TMEM132D: variants seen among roughly 807,000 people sequenced by gnomAD.
The protein encoded by TMEM132D is mature OL transmembrane protein.
Under a neutral mutation model 62.3 loss-of-function variants are expected in TMEM132D, and 21 were observed. The observed-to-expected ratio is 0.34, with a 90% CI of 0.24 to 0.49. The LOEUF (loss-of-function observed/expected upper bound fraction) is 0.49, where lower values mean the gene tolerates loss of function less well. Among genes scored for constraint, TMEM132D ranks in the 20% least tolerant of loss-of-function variants. TMEM132D has a pLI of 0.99. For missense variants in TMEM132D, 1,346 were observed against 1,402.8 expected (o/e 0.96, Z 0.65); for synonymous variants, 621 against 575.6 (o/e 1.08, Z -1.13).
chr12:129,861,708 T>A (rs1454103447), intron 1 of TMEM132D, among the ~76,000 whole-genome samples: 1 of 146,608 alleles, frequency 6.8e-6, no homozygotes, highest in Non-Finnish European at 1.5e-5. Context: ...GAGCCAAGAT[T>A]GCACCACTGC....
intron 1 of TMEM132D, among the ~76,000 whole-genome samples, chr12:129,762,465 G>GT (rs1414141744): frequency 6.6e-6 from 1 of 152,080 alleles, no homozygotes; most frequent in African/African-American, 2.4e-5. Context: ...TTCCCATGAT[G>GT]TTTCAAATCC....
intron 1 of TMEM132D, among the ~76,000 whole-genome samples, chr12:129,713,837 G>A (rs1286998566): frequency 6.6e-6 from 1 of 152,184 alleles, no homozygotes; most frequent in African/African-American, 2.4e-5. Context: ...GCAGGTTTGG[G>A]TGGAACTCAA....
intron 5 of TMEM132D, among the ~76,000 whole-genome samples, chr12:129,127,248 T>C (rs1876241568): frequency 6.6e-6 from 1 of 152,222 alleles, no homozygotes; most frequent in African/African-American, 2.4e-5. Flanking sequence ...CTCCTCACGT[T>C]GTGATCTTTT....
intron 2 of TMEM132D, among the ~76,000 whole-genome samples, chr12:129,637,341 T>A: frequency 6.6e-6 from 1 of 152,240 alleles, no homozygotes; most frequent in East Asian, 1.9e-4. Context: ...AAGAGTATTA[T>A]TCACATGGTT....
At chr12:129,353,077 T>A (rs1241380071) in intron 3 of TMEM132D, among the ~76,000 whole-genome samples, 1 of 152,156 alleles carries the variant, frequency 6.6e-6, no homozygotes, top group South Asian at 2.1e-4. Flanking sequence ...GGAATCAGTT[T>A]CTGTCCTTTC....
chr12:129,654,341 A>G (rs12581465), intron 2 of TMEM132D, among the ~76,000 whole-genome samples: 22,661 of 150,362 alleles, frequency 0.15, 2,156 homozygotes, highest in Non-Finnish European at 0.21. Flanking sequence ...CCTTTTTGCC[A>G]CTATAAGATG....
At position 129,356,867 on chromosome 12, in the gene TMEM132D, A is replaced by G. The variant is rs1447470358; in HGVS notation, c.1116-19050T>C. ...GTGAAAGAGTGAGACAAAGAAAGGA[A>G]GGAAAGAAAAGAAAGAAACAAAACA... On this transcript the variant is annotated intron_variant, in intron 3 of 8. Transcript: ENST00000422113. 9.0e-5 allele frequency among the ~76,000 whole-genome samples: 13 copies of G among 145,226 alleles called. No individual in the cohort carries two copies. In the East Asian group the frequency reaches 2.8e-3, roughly 31 times the overall value.
At chr12:129,839,169 T>C (rs1209243540) in intron 1 of TMEM132D, among the ~76,000 whole-genome samples, 1 of 133,306 alleles carries the variant, frequency 7.5e-6, no homozygotes, top group Non-Finnish European at 1.6e-5. Flanking sequence ...TCTCGCACTG[T>C]CGCCTGGGCT....
At chr12:129,212,803 G>A (rs1218894554) in intron 4 of TMEM132D, 1 of 151,840 alleles carries the variant, frequency 6.6e-6, no homozygotes, top group East Asian at 2.0e-4. Flanking sequence ...TCAAGGAGGA[G>A]GTAGAATAGC....
At chr12:129,623,688 TATATACATATATATAC>T (rs1435730731) in intron 2 of TMEM132D, among the ~76,000 whole-genome samples, 41 of 133,562 alleles carry the variant, frequency 3.1e-4, no homozygotes, top group African/African-American at 1.2e-3. Context: ...TATATATACA[TATATACATATATATAC>T]ATACATATGC....
At chr12:129,172,848 G>C (rs758595801) in intron 5 of TMEM132D, among the ~76,000 whole-genome samples, 3 of 152,146 alleles carry the variant, frequency 2.0e-5, no homozygotes, top group African/African-American at 7.2e-5. Context: ...AAAGTGCTGG[G>C]ATTACAGTGT....
chr12:129,826,158 T>C (rs1565999289), intron 1 of TMEM132D, among the ~76,000 whole-genome samples: 1 of 152,154 alleles, frequency 6.6e-6, no homozygotes, highest in East Asian at 1.9e-4. Flanking sequence ...CATGTCACTT[T>C]CAGGTGACAA....
rs543911786 is a variant in TMEM132D at position 129,653,079 on chromosome 12, GA to G, written c.968+46730del. Among the ~76,000 whole-genome samples, 9 of 152,356 alleles carry G rather than the reference GA, an allele frequency of 5.9e-5. No homozygotes were observed. The South Asian group carries it at 1.7e-3, about 28-fold the overall frequency. On this transcript the variant is annotated intron_variant, in intron 2 of 8. Transcript: ENST00000422113. ...TCAGATGGTCAAGGAAGCTCTGTTG[GA>G]TGGGGTGGTGTTGAAGCTAGCCCAA...
At chr12:129,866,881 A>G (rs925915634) in intron 1 of TMEM132D, among the ~76,000 whole-genome samples, 1 of 152,170 alleles carries the variant, frequency 6.6e-6, no homozygotes, top group Admixed American at 6.5e-5. Flanking sequence ...GAGTCAGCCT[A>G]TGTGTCCATT....
At chr12:129,763,380 G>A (rs747811454) in intron 1 of TMEM132D, among the ~76,000 whole-genome samples, 115 of 150,798 alleles carry the variant, frequency 7.6e-4, no homozygotes, top group Non-Finnish European at 1.5e-3. Flanking sequence ...GCCCGACCAA[G>A]AACTCAACTT....
At chr12:129,312,856 A>G (rs1441346276) in intron 4 of TMEM132D, among the ~76,000 whole-genome samples, 1 of 152,272 alleles carries the variant, frequency 6.6e-6, no homozygotes, top group Non-Finnish European at 1.5e-5. Flanking sequence ...TAGATGAAGC[A>G]TCAGATGTTG....
chr12:129,845,628 A>C (rs535472648), intron 1 of TMEM132D, among the ~76,000 whole-genome samples: 1 of 152,354 alleles, frequency 6.6e-6, no homozygotes, highest in South Asian at 2.1e-4. Flanking sequence ...GATTTAACCC[A>C]AATTAAAGTG....
At chr12:129,546,594 G>A (rs760782872) in intron 2 of TMEM132D, among the ~76,000 whole-genome samples, 7 of 152,080 alleles carry the variant, frequency 4.6e-5, no homozygotes, top group Non-Finnish European at 8.8e-5. Flanking sequence ...AAGGTCAGGA[G>A]TTCGAGACCA....
chr12:129,080,689 A>G (rs546364290), intron 7 of TMEM132D, among the ~76,000 whole-genome samples: 4 of 152,314 alleles, frequency 2.6e-5, no homozygotes, highest in Admixed American at 2.0e-4. Context: ...TTTGGCTACA[A>G]TGTACACTAT....
Sources: allele counts gnomAD v4.1 joint callset (sites outside exome capture counted in the v4.1 genomes callset), GRCh38; gene constraint gnomAD v4.1.1; transcripts MANE v1.5; gene names NCBI Gene and HGNC (gene_info 2026-07-23, HGNC 2026-07-21).